CENPE: variants seen among roughly 807,000 people sequenced by gnomAD.
CENPE encodes the protein centromere protein E.
A neutral mutation model predicts 336.1 loss-of-function variants in CENPE; 145 were observed. The observed-to-expected ratio is 0.43, with a 90% CI of 0.38 to 0.50. CENPE has a LOEUF of 0.50. Ranked by LOEUF, CENPE falls within the 20% of genes least tolerant of loss-of-function variation. The pLI is 0.00. For synonymous variants in CENPE, 1,013 were observed against 984.8 expected (o/e 1.03, Z -0.54); for missense variants, 2,719 against 3,023.3 (o/e 0.90, Z 2.36).
chr4:103,154,992 T>A (rs1753853514), intron 24 of CENPE, among the ~76,000 whole-genome samples: 1 of 152,150 alleles, frequency 6.6e-6, no homozygotes, highest in African/African-American at 2.4e-5. Flanking sequence ...TTTATTCCCA[T>A]GGCAGATTCC....
At chr4:103,176,490 ATG>A (rs1755873576) in intron 14 of CENPE, among the ~76,000 whole-genome samples, 2 of 152,328 alleles carry the variant, frequency 1.3e-5, no homozygotes, top group South Asian at 4.1e-4. Context: ...CACCTGTCTC[ATG>A]TGTGTTTCAA....
chr4:103,158,103 C>T (rs981396701), intron 24 of CENPE, among the ~76,000 whole-genome samples, 197 bp downstream of exon 24: 5 of 151,764 alleles, frequency 3.3e-5, no homozygotes, highest in Non-Finnish European at 7.4e-5. Context: ...TTTTTGGGCC[C>T]TTTCCCTTTC....
At chr4:103,123,236 C>T in intron 42 of CENPE, 147 bp from the exon 43 acceptor site, 1 of 649,946 alleles carries the variant, frequency 1.5e-6, no homozygotes, top group Non-Finnish European at 2.7e-6. Flanking sequence ...ATAAACAATT[C>T]ACAGGTTTTG....
intron 43 of CENPE, among the ~76,000 whole-genome samples, chr4:103,121,809 C>G (rs1702165017): frequency 6.6e-6 from 1 of 152,070 alleles, no homozygotes; most frequent in African/African-American, 2.4e-5. Context: ...AATCCTCCAA[C>G]CTTGGCCTCC....
intron 42 of CENPE, among the ~76,000 whole-genome samples, chr4:103,125,893 T>C (rs981569869): frequency 1.2e-4 from 18 of 145,474 alleles, no homozygotes; most frequent in Admixed American, 1.2e-3. Context: ...AAAAAGGAGT[T>C]ACCTAACAAG....
intron 16 of CENPE, among the ~76,000 whole-genome samples, chr4:103,167,739 C>T (rs1160567579): frequency 6.6e-6 from 1 of 152,214 alleles, no homozygotes; most frequent in Admixed American, 6.5e-5. Context: ...GGGAGTCCTG[C>T]CAATTGTGCT....
At position 103,120,298 on chromosome 4, in the gene CENPE, A is replaced by G. The variant is rs114759305; in HGVS notation, c.7179T>C (p.Ala2393=). 9.3e-6 allele frequency: 15 copies of G among 1,608,454 alleles called. No homozygotes were observed. In the African/African-American group the frequency reaches 1.7e-4, roughly 19 times the overall value. ...TTTCCTTATGCATAGCACTTTCTTT[A>G]GCTTCATGCAGTGAATTTTCCAGCT... ...IRELENSLHE[A]KESAMHKESK... Residue 2393 remains alanine, a synonymous_variant, in exon 44 of 49, where the codon GCT becomes GCC. Transcript: ENST00000265148.
chr4:103,135,519 T>C (rs952631329), intron 40 of CENPE, among the ~76,000 whole-genome samples: 1 of 152,238 alleles, frequency 6.6e-6, no homozygotes, highest in African/African-American at 2.4e-5. Flanking sequence ...TATTTTAAGC[T>C]GCTAAATATT....
chr4:103,133,034 A>C lies in CENPE; in HGVS notation c.6721-138T>G, dbSNP rs1308824846. 12 of 173,090 alleles carry C rather than the reference A, an allele frequency of 6.9e-5. No individual in the cohort carries two copies. The East Asian group carries it at 1.6e-3, about 24-fold the overall frequency. The allele number at this position is 173,090 out of a possible 1,614,324, so 10.7% of individuals were successfully genotyped here. A position where few individuals can be genotyped will look rare whatever the true frequency, so the allele number is the denominator to read the frequency against. On this transcript the variant is annotated intron_variant, in intron 41 of 48. Transcript: ENST00000265148. ...TGGACTCTTGCTTTTCTTCCTTTTAATATCATTTCTTAATATTTTAAAGTA... is the reference window on the plus strand; with the variant it reads ...TGGACTCTTGCTTTTCTTCCTTTTACTATCATTTCTTAATATTTTAAAGTA...
intron 12 of CENPE, among the ~76,000 whole-genome samples, chr4:103,180,747 T>C (rs1193660958): frequency 6.6e-6 from 1 of 152,154 alleles, no homozygotes; most frequent in Non-Finnish European, 1.5e-5. Context: ...ATTAATTGCC[T>C]AAGAAGATAT....
chr4:103,186,281 T>C (rs1756759599), intron 8 of CENPE, among the ~76,000 whole-genome samples: 2 of 152,232 alleles, frequency 1.3e-5, no homozygotes, highest in South Asian at 2.1e-4. Flanking sequence ...TTAGTTCTAA[T>C]GTTCTATTCT....
intron 16 of CENPE, among the ~76,000 whole-genome samples, chr4:103,166,517 C>A (rs1381828401): frequency 6.6e-6 from 1 of 152,114 alleles, no homozygotes; most frequent in African/African-American, 2.4e-5. Flanking sequence ...TAGACTTTTA[C>A]CTCTTTGAAT....
chr4:103,134,420 G>A lies in CENPE; in HGVS notation c.6523-528C>T, dbSNP rs369073081. ...GAGGCTGACGTGGGCAGATCACAAG[G>A]TCAGGAGTTCGAGACCATCCTGGCT... On this transcript the variant is annotated intron_variant, in intron 40 of 48. Transcript: ENST00000265148. Among the ~76,000 whole-genome samples the A allele has an allele frequency of 4.1e-4, 63 of 152,158 alleles. No individual in the cohort carries two copies. The East Asian group carries it at 7.4e-3, about 18-fold the overall frequency.
rs1753158601 is a variant in CENPE at position 103,147,541 on chromosome 4, T to C, written c.3949A>G (p.Thr1317Ala). ...ELELLTEQST[T>A]KDSTTLARIE... Reference sequence around the variant, plus strand: ...CTTGCCAGTGTTGTTGAGTCCTTGGTTGTGGACTGTTCTGTTAATAACTCC... The same window carrying C: ...CTTGCCAGTGTTGTTGAGTCCTTGGCTGTGGACTGTTCTGTTAATAACTCC... The change falls in exon 29 of 49, where the codon ACC (threonine) becomes GCC (alanine). Residue 1317 changes from threonine to alanine, a missense_variant. Coordinates refer to ENST00000265148, the MANE Select transcript of CENPE (RefSeq NM_001813.3). 4 of 1,614,058 alleles carry C rather than the reference T, an allele frequency of 2.5e-6. No homozygotes were observed. Among genetic ancestry groups the C allele is most frequent in the Non-Finnish European group, 3.4e-6 (4 of 1,180,000 alleles).
chr4:103,116,458 AG>A, intron 45 of CENPE, 118 bp downstream of exon 45: 1 of 523,934 alleles, frequency 1.9e-6, no homozygotes, highest in East Asian at 3.4e-5. Flanking sequence ...TTTTAAAAAA[AG>A]AGCTGTAACA....
intron 21 of CENPE, 120 bp from the exon 22 acceptor site, chr4:103,159,444 T>A (rs1415394486): frequency 1.7e-6 from 1 of 581,708 alleles, no homozygotes; most frequent in African/African-American, 1.9e-5. Flanking sequence ...AAAATTTGAC[T>A]GTGGAAAGGC....
intron 42 of CENPE, among the ~76,000 whole-genome samples, chr4:103,126,278 C>T (rs1751091099): frequency 6.6e-6 from 1 of 152,036 alleles, no homozygotes; most frequent in Admixed American, 6.6e-5. Flanking sequence ...CAAAACACAG[C>T]ATTTTTTTTT....
intron 42 of CENPE, among the ~76,000 whole-genome samples, chr4:103,125,208 G>A (rs1407739615): frequency 1.3e-5 from 2 of 152,156 alleles, no homozygotes; most frequent in African/African-American, 2.4e-5. Flanking sequence ...ATGATTTGCA[G>A]ATGAAATTAA....
rs374521225 is a variant in CENPE, at chr4:103,149,137, A to G, written c.3668T>C (p.Ile1223Thr). Residue 1223 changes from isoleucine (I) to threonine (T), a missense_variant, in exon 27 of 49, where the codon ATA (isoleucine) becomes ACA (threonine). By Grantham distance (89) the Ile-to-Thr change is moderately conservative. This residue lies in a region of CENPE where 2,437 missense variants were observed against 2,513.3 expected (regional missense o/e 0.97). Coordinates refer to ENST00000265148, the MANE Select transcript of CENPE (RefSeq NM_001813.3). ...ACTTACTGTAGCTTCAATTTCTCTT[A>G]TATATCCTCTAAGGTGGTCTCTCTC... ...ETERDHLRGY[I>T]REIEATGLQT... is the part of the protein sequence containing the mutation. 59 of 1,595,018 alleles carry G rather than the reference A, an allele frequency of 3.7e-5. No homozygotes were observed. The African/African-American group carries it at 7.1e-4, about 19-fold the overall frequency.
Sources: allele counts gnomAD v4.1 joint callset (sites outside exome capture counted in the v4.1 genomes callset), GRCh38; gene constraint gnomAD v4.1.1; regional missense constraint gnomAD v4.1.1; transcripts MANE v1.5; gene names NCBI Gene and HGNC (gene_info 2026-07-23, HGNC 2026-07-21).